UBTD2: variants seen among roughly 807,000 people sequenced by gnomAD.
The protein encoded by UBTD2 is ubiquitin domain containing 2, also known as ubiquitin domain-containing protein 2.
Under a neutral mutation model 19.8 loss-of-function variants are expected in UBTD2, and 9 were observed. That is an observed-to-expected ratio of 0.46 (90% confidence interval 0.27 to 0.79). UBTD2 has a LOEUF of 0.79. Ranked by LOEUF, UBTD2 falls within the 30% of genes least tolerant of loss-of-function variation. The probability of loss-of-function intolerance (pLI) is 0.14; values close to 1 mark genes in which losing one functional copy is unlikely to be tolerated. For missense variants in UBTD2, 250 were observed against 300.4 expected (o/e 0.83, Z 1.24); for synonymous variants, 98 against 103.9 (o/e 0.94, Z 0.35).
chr5:172,278,882 C>T (rs1755659029), intron 1 of UBTD2, among the ~76,000 whole-genome samples: 1 of 152,160 alleles, frequency 6.6e-6, no homozygotes, highest in Admixed American at 6.5e-5. Context: ...TCAAGCGATT[C>T]TCCTGCCTCA....
At chr5:172,278,038 T>C (rs1387100830) in intron 1 of UBTD2, among the ~76,000 whole-genome samples, 2 of 152,112 alleles carry the variant, frequency 1.3e-5, no homozygotes, top group Non-Finnish European at 2.9e-5. Flanking sequence ...TAACAAGTGA[T>C]GGTGAAAAGA....
At chr5:172,277,851 C>CAA (rs398065417) in intron 1 of UBTD2, among the ~76,000 whole-genome samples, 118 of 78,418 alleles carry the variant, frequency 1.5e-3, no homozygotes, top group African/African-American at 4.7e-3. Flanking sequence ...TCTTACCACT[C>CAA]AAAAAAAAAA....
At chr5:172,246,691 G>A (rs1349152253) in intron 1 of UBTD2, among the ~76,000 whole-genome samples, 2 of 143,436 alleles carry the variant, frequency 1.4e-5, no homozygotes, top group South Asian at 2.2e-4. Flanking sequence ...TGATCTGCCC[G>A]CCTTGGCCTC....
intron 1 of UBTD2, among the ~76,000 whole-genome samples, chr5:172,271,370 C>A (rs1755486908): frequency 6.7e-6 from 1 of 149,582 alleles, no homozygotes; most frequent in East Asian, 2.0e-4. Flanking sequence ...CAGATCTTGC[C>A]GTGAGCCGAG....
intron 1 of UBTD2, among the ~76,000 whole-genome samples, chr5:172,262,421 G>C (rs1434980698): frequency 1.5e-5 from 2 of 133,250 alleles, no homozygotes; most frequent in Non-Finnish European, 3.0e-5. Context: ...CTGCATTCCA[G>C]CCTGGGTGAC....
chr5:172,270,531 T>A (rs1216491141), intron 1 of UBTD2, among the ~76,000 whole-genome samples: 1 of 151,884 alleles, frequency 6.6e-6, no homozygotes, highest in East Asian at 1.9e-4. Context: ...AATTTTTTTG[T>A]ATTTTAGTAA....
intron 2 of UBTD2, among the ~76,000 whole-genome samples, chr5:172,218,194 T>C (rs1771582042): frequency 6.6e-6 from 1 of 152,144 alleles, no homozygotes; most frequent in Non-Finnish European, 1.5e-5. Flanking sequence ...GGAAAATCCA[T>C]AATACATGGA....
chr5:172,234,483 T>A, intron 1 of UBTD2, 125 bp from the exon 2 acceptor site: 2 of 781,766 alleles, frequency 2.6e-6, no homozygotes, highest in Non-Finnish European at 4.1e-6. Flanking sequence ...ACCTGCTAGC[T>A]AATTTGTGCA....
intron 1 of UBTD2, among the ~76,000 whole-genome samples, chr5:172,273,913 C>A (rs1317986419): frequency 2.0e-5 from 3 of 152,068 alleles, no homozygotes; most frequent in Non-Finnish European, 4.4e-5. Context: ...GGTCCCCTCC[C>A]TACAACTCCA....
intron 1 of UBTD2, among the ~76,000 whole-genome samples, chr5:172,249,172 T>G (rs1009238503): frequency 7.3e-5 from 11 of 151,058 alleles, no homozygotes; most frequent in African/African-American, 2.4e-4. Context: ...CCGAGGCGGG[T>G]GTATCAGTTG....
intron 1 of UBTD2, among the ~76,000 whole-genome samples, chr5:172,256,994 T>C (rs186570701): frequency 4.4e-4 from 67 of 152,312 alleles, no homozygotes; most frequent in African/African-American, 1.6e-3. Flanking sequence ...TTTCTTCTTC[T>C]TCCAACTTTT....
intron 1 of UBTD2, among the ~76,000 whole-genome samples, chr5:172,238,463 C>T (rs1460775989): frequency 6.6e-6 from 1 of 152,124 alleles, no homozygotes; most frequent in Non-Finnish European, 1.5e-5. Flanking sequence ...TCCTTTCCCC[C>T]ATCAATCCAC....
At chr5:172,276,108 T>C (rs1755598905) in intron 1 of UBTD2, among the ~76,000 whole-genome samples, 1 of 152,208 alleles carries the variant, frequency 6.6e-6, no homozygotes, top group African/African-American at 2.4e-5. Flanking sequence ...AGGCTCTGAA[T>C]TTCTAACATG....
chr5:172,278,520 G>GAA (rs35402919), intron 1 of UBTD2, among the ~76,000 whole-genome samples: 1 of 132,902 alleles, frequency 7.5e-6, no homozygotes, highest in Non-Finnish European at 1.6e-5. Flanking sequence ...TGCCTCAGGG[G>GAA]AAAAAAAAAA....
intron 1 of UBTD2, among the ~76,000 whole-genome samples, chr5:172,267,039 TAAAAAAA>T (rs34544452): frequency 8.4e-6 from 1 of 119,332 alleles, no homozygotes; most frequent in Non-Finnish European, 1.7e-5. Context: ...AGCCTCTCTT[TAAAAAAA>T]AAAAAAAAAA....
chr5:172,262,682 G>A (rs1006628990), intron 1 of UBTD2, among the ~76,000 whole-genome samples: 1 of 150,962 alleles, frequency 6.6e-6, no homozygotes, highest in Non-Finnish European at 1.5e-5. Context: ...AGGCGTGGTG[G>A]CACGTGCCTG....
chr5:172,283,700 C>A lies in UBTD2; in HGVS notation c.-35G>T. The A allele has an allele frequency of 8.2e-7, 1 of 1,215,426 alleles. No homozygotes were observed. Among genetic ancestry groups the A allele is most frequent in the East Asian group, 3.3e-5 (1 of 30,156 alleles). The allele number at this position is 1,215,426 out of a possible 1,614,324, so 75.3% of individuals were successfully genotyped here. On this transcript the variant is annotated 5_prime_UTR_variant, in exon 1 of 3. Coordinates refer to ENST00000393792, the MANE Select transcript of UBTD2 (RefSeq NM_152277.3). This position sits in a 1 kb window ranked among gnomAD's most constrained non-coding sequence, Gnocchi z 4.3. The stretch of plus-strand genomic sequence containing the variant: ...CGGCGCCTCGTCCGCCACCTCCGGA[C>A]GCTCGTCCGGGCCCGCCGCCGCCGC...
intron 1 of UBTD2, among the ~76,000 whole-genome samples, chr5:172,254,263 T>C (rs1561861075): frequency 6.6e-6 from 1 of 151,618 alleles, no homozygotes; most frequent in South Asian, 2.1e-4. Flanking sequence ...CCACGCCCGG[T>C]TAATTTTTGT....
In UBTD2 at chr5:172,210,232, T is replaced by G. The variant is rs544529826; in HGVS notation, c.*1598A>C. ...ACATGATGTTACAATTACAGATATA[T>G]TTAATCAGGCAATAGGAAATTCAAT... On this transcript the variant is annotated 3_prime_UTR_variant, in exon 3 of 3. Coordinates refer to ENST00000393792, the MANE Select transcript of UBTD2 (RefSeq NM_152277.3). The G allele has an allele frequency of 5.3e-5, 8 of 152,362 alleles. No homozygotes were observed. The South Asian group carries it at 1.7e-3, about 32-fold the overall frequency. 9.4% of individuals were successfully genotyped at this position (152,362 alleles called of 1,614,324 possible).
Sources: gnomAD v4.1 joint callset for allele counts (sites outside exome capture counted in the v4.1 genomes callset) on GRCh38, gnomAD v4.1.1 for gene constraint, Gnocchi (gnomAD v3.1) non-coding constraint, MANE v1.5 for transcripts, NCBI Gene and HGNC (gene_info 2026-07-23, HGNC 2026-07-21) for gene names.